The following SHISA9 variants were observed in gnomAD, a reference collection of about 807,000 sequenced individuals.
SHISA9 encodes shisa family member 9, also known as protein shisa-9.
A neutral mutation model predicts 38.0 loss-of-function variants in SHISA9; 13 were observed. The observed-to-expected ratio is 0.34, with a 90% confidence interval of 0.22 to 0.54. The LOEUF is 0.54. Among genes scored for constraint, SHISA9 ranks in the 20% least tolerant of loss-of-function variants. The pLI is 0.91. For synonymous variants in SHISA9, 275 were observed against 242.0 expected, an observed-to-expected ratio of 1.14 and a Z score of -1.27; for missense variants, 538 against 575.8, an observed-to-expected ratio of 0.93 and a Z score of 0.67.
the SHISA9 span, among the ~76,000 whole-genome samples, chr16:13,440,651 G>A: frequency 6.6e-6 from 1 of 152,308 alleles, no homozygotes; most frequent in Non-Finnish European, 1.5e-5. Context: ...ATTGGTGGCC[G>A]GGTGCGGCGG....
the SHISA9 span, among the ~76,000 whole-genome samples, chr16:13,467,822 C>T: frequency 1.3e-5 from 2 of 152,194 alleles, no homozygotes; most frequent in African/African-American, 2.4e-5. Context: ...TTTCTATTCA[C>T]CTAACACCAG....
At chr16:13,093,396 A>T (rs901704296) in intron 2 of SHISA9, among the ~76,000 whole-genome samples, 1 of 152,184 alleles carries the variant, frequency 6.6e-6, no homozygotes, top group African/African-American at 2.4e-5. Flanking sequence ...TGATGATAAG[A>T]CTTATCTTGC....
intron 2 of SHISA9, among the ~76,000 whole-genome samples, chr16:13,019,882 CCCTTCTTTCTTTCTTT>C (rs1188040274): frequency 0.038 from 765 of 20,302 alleles, 68 homozygotes; most frequent in Non-Finnish European, 0.046. Flanking sequence ...CTCCCTCCCT[CCCTTCTTTCTTTCTTT>C]CTTTCTTTCT....
At chr16:13,523,032 G>A in the SHISA9 span, among the ~76,000 whole-genome samples, 1 of 152,084 alleles carries the variant, frequency 6.6e-6, no homozygotes. Context: ...GCATTAAGGG[G>A]ATAGACTTGT....
intron 2 of SHISA9, among the ~76,000 whole-genome samples, chr16:13,008,652 TC>T (rs2072629659): frequency 4.5e-5 from 1 of 21,980 alleles, no homozygotes. Flanking sequence ...CCTCCCTCCC[TC>T]CCTCCCTCCC....
the SHISA9 span, among the ~76,000 whole-genome samples, chr16:13,532,261 T>C: frequency 6.6e-6 from 1 of 152,168 alleles, no homozygotes; most frequent in Non-Finnish European, 1.5e-5. Context: ...AGCCCAGCCC[T>C]AGATCAGGCT....
intron 2 of SHISA9, among the ~76,000 whole-genome samples, chr16:12,975,043 A>G (rs2072138472): frequency 6.6e-6 from 1 of 152,098 alleles, no homozygotes. Flanking sequence ...AATCCATCTG[A>G]CAAATATTTG....
the SHISA9 span, among the ~76,000 whole-genome samples, chr16:13,531,718 G>T: frequency 3.9e-5 from 6 of 152,280 alleles, no homozygotes; most frequent in African/African-American, 1.4e-4. Context: ...GCAATCTCAA[G>T]TAAGATGCGT....
intron 2 of SHISA9, among the ~76,000 whole-genome samples, chr16:13,122,300 C>A (rs2050218749): frequency 6.6e-6 from 1 of 152,168 alleles, no homozygotes; most frequent in South Asian, 2.1e-4. Flanking sequence ...TTCTGATATC[C>A]CTTTAGGACA....
the SHISA9 span, among the ~76,000 whole-genome samples, chr16:13,476,459 C>A: frequency 1.3e-5 from 2 of 152,188 alleles, no homozygotes; most frequent in Non-Finnish European, 2.9e-5. Flanking sequence ...CAGTGATTGG[C>A]TTTCTGTACA....
the SHISA9 span, among the ~76,000 whole-genome samples, chr16:13,314,456 T>C: frequency 5.9e-5 from 9 of 152,066 alleles, no homozygotes; most frequent in Non-Finnish European, 1.2e-4. Context: ...GCCAGGCTGG[T>C]CTCAAACTCC....
At chr16:13,117,121 C>T (rs559349928) in intron 2 of SHISA9, among the ~76,000 whole-genome samples, 33 of 152,040 alleles carry the variant, frequency 2.2e-4, no homozygotes, top group African/African-American at 7.5e-4. Flanking sequence ...TACAGGCCTG[C>T]GCCACCACCA....
intron 2 of SHISA9, among the ~76,000 whole-genome samples, chr16:13,172,006 A>G (rs958042805): frequency 1.3e-5 from 2 of 152,116 alleles, no homozygotes; most frequent in Non-Finnish European, 2.9e-5. Flanking sequence ...GGTATGCTGG[A>G]TGTATACAAG....
At chr16:13,063,685 G>A (rs2073402066) in intron 2 of SHISA9, among the ~76,000 whole-genome samples, 1 of 152,162 alleles carries the variant, frequency 6.6e-6, no homozygotes, top group Non-Finnish European at 1.5e-5. Context: ...GTCAGTGATG[G>A]TATCCAAGGA....
chr16:13,011,338 G>A (rs77131573), intron 2 of SHISA9, among the ~76,000 whole-genome samples: 1 of 68,948 alleles, frequency 1.5e-5, no homozygotes, highest in African/African-American at 5.0e-5. Flanking sequence ...TTTTTTTTTG[G>A]CAAGAGCAGC....
At chr16:13,313,966 GATAGGT>G in the SHISA9 span, among the ~76,000 whole-genome samples, 5 of 152,160 alleles carry the variant, frequency 3.3e-5, no homozygotes, top group African/African-American at 9.7e-5. Context: ...CTCTGTGTTA[GATAGGT>G]ATCAAAAAGG....
chr16:13,182,395 A>T (rs1222356876), intron 2 of SHISA9, among the ~76,000 whole-genome samples: 1 of 152,178 alleles, frequency 6.6e-6, no homozygotes, highest in Non-Finnish European at 1.5e-5. Flanking sequence ...TTCCTCTTTG[A>T]TCAGGCATTC....
At chr16:13,465,630 A>G in the SHISA9 span, among the ~76,000 whole-genome samples, 151 of 152,282 alleles carry the variant, frequency 9.9e-4, no homozygotes, top group African/African-American at 3.5e-3. Context: ...TAGGGAGAAA[A>G]GTCAACAAAT....
intron 1 of SHISA9, among the ~76,000 whole-genome samples, chr16:12,906,318 C>T (rs978630484): frequency 2.6e-5 from 4 of 152,176 alleles, no homozygotes; most frequent in African/African-American, 9.7e-5. Flanking sequence ...AAACTTTGCC[C>T]CTAGTGACCA....
Sources: gnomAD v4.1 joint callset for allele counts (sites outside exome capture counted in the v4.1 genomes callset) on GRCh38, gnomAD v4.1.1 for gene constraint, MANE v1.5 for transcripts, NCBI Gene and HGNC (gene_info 2026-07-23, HGNC 2026-07-21) for gene names.